FGD6: variants seen among roughly 807,000 people sequenced by gnomAD.
FGD6 encodes the protein FYVE, RhoGEF and PH domain containing 6, also known as FYVE, RhoGEF and PH domain-containing protein 6.
Under a neutral mutation model 149.4 loss-of-function variants are expected in FGD6, and 90 were observed. The observed-to-expected ratio is 0.60, with a 90% CI of 0.51 to 0.72. The LOEUF (loss-of-function observed/expected upper bound fraction) is 0.72. Ranked by LOEUF, FGD6 falls within the 30% of genes least tolerant of loss-of-function variation. The pLI is 0.00. For synonymous variants in FGD6, 527 were observed against 584.0 expected (o/e 0.90, Z 1.41); for missense variants, 1,437 against 1,684.8 (o/e 0.85, Z 2.57).
intron 2 of FGD6, among the ~76,000 whole-genome samples, chr12:95,197,297 G>A (rs538506609): frequency 1.3e-5 from 2 of 152,218 alleles, no homozygotes; most frequent in South Asian, 4.1e-4. Context: ...AATTAGCCCA[G>A]TGTGGTGGTG....
chr12:95,084,826 C>T (rs542122165), intron 19 of FGD6, among the ~76,000 whole-genome samples, 180 bp from the exon 20 acceptor site: 1 of 152,342 alleles, frequency 6.6e-6, no homozygotes, highest in Admixed American at 6.5e-5. Context: ...CACTCCCTCC[C>T]TAGGTACCCT....
chr12:95,183,329 C>T (rs932589795), intron 2 of FGD6, among the ~76,000 whole-genome samples: 1 of 152,196 alleles, frequency 6.6e-6, no homozygotes, highest in African/African-American at 2.4e-5. Flanking sequence ...AGGAGTGACC[C>T]CCACCCTCTT....
At chr12:95,189,020 G>A (rs562718696) in intron 2 of FGD6, among the ~76,000 whole-genome samples, 27 of 152,054 alleles carry the variant, frequency 1.8e-4, no homozygotes, top group Middle Eastern at 3.4e-3. Flanking sequence ...ACCACTCCCC[G>A]CTCTGAAAAT....
At chr12:95,173,618 T>C (rs1393694149) in intron 2 of FGD6, among the ~76,000 whole-genome samples, 1 of 152,184 alleles carries the variant, frequency 6.6e-6, no homozygotes, top group African/African-American at 2.4e-5. Flanking sequence ...TAAGAAGAGA[T>C]GAAAATAATT....
intron 2 of FGD6, among the ~76,000 whole-genome samples, chr12:95,203,655 C>T (rs1237036300): frequency 6.9e-6 from 1 of 144,182 alleles, no homozygotes; most frequent in African/African-American, 2.6e-5. Context: ...TTTGAAAGTA[C>T]AATGCTTGAC....
At chr12:95,112,203 C>T (rs905413083) in intron 9 of FGD6, among the ~76,000 whole-genome samples, 6 of 151,596 alleles carry the variant, frequency 4.0e-5, no homozygotes, top group Non-Finnish European at 8.8e-5. Flanking sequence ...CACTGCACTC[C>T]AGCCTGGGTG....
intron 9 of FGD6, among the ~76,000 whole-genome samples, chr12:95,113,141 T>C (rs1878887716): frequency 6.6e-6 from 1 of 151,948 alleles, no homozygotes; most frequent in Non-Finnish European, 1.5e-5. Context: ...CCCCTGCCCA[T>C]ATCATCTCAC....
chr12:95,149,993 TACAC>T (rs10652699), intron 5 of FGD6, among the ~76,000 whole-genome samples: 11,910 of 131,870 alleles, frequency 0.09, 567 homozygotes, highest in East Asian at 0.12. Context: ...TGCTATATAT[TACAC>T]ACACACACAC....
At position 95,102,443 on chromosome 12, in the gene FGD6, C is replaced by CA. The variant is rs55926317; in HGVS notation, c.3497+2563dup. On this transcript the variant is annotated intron_variant, in intron 14 of 20. Coordinates refer to ENST00000343958, the MANE Select transcript of FGD6 (RefSeq NM_018351.4). ...TGGGTGACAGAGCGAGACCCTTTCT[C>CA]AAAAAAAAAAAAAAAAAAAAAAAAC... is the stretch of plus-strand genomic sequence containing the variant. Among the ~76,000 whole-genome samples, 694 of 104,126 alleles carry CA rather than the reference C, an allele frequency of 6.7e-3. 13 individuals carry two copies. The highest frequency in any genetic ancestry group is 0.018 in the African/African-American group (477 of 27,048). 68.3% of individuals were successfully genotyped at this position (104,126 alleles called of 152,430 possible). A position where few individuals can be genotyped will look rare whatever the true frequency, so the allele number is the denominator to read the frequency against.
intron 6 of FGD6, among the ~76,000 whole-genome samples, chr12:95,139,317 G>A (rs548436125): frequency 4.1e-4 from 62 of 152,024 alleles, no homozygotes; most frequent in African/African-American, 1.4e-3. Flanking sequence ...GGGCACACCT[G>A]CAGTCCCAGC....
Position 95,087,337 on chromosome 12 carries a change from G to C in FGD6, c.3979-1429C>G, listed in dbSNP as rs150286472. 8.5e-4 allele frequency among the ~76,000 whole-genome samples: 130 copies of C among 152,272 alleles called. 1 individual carries two copies. Among genetic ancestry groups the C allele is most frequent in the African/African-American group, 2.8e-3 (115 of 41,560 alleles). On this transcript the variant is annotated intron_variant, in intron 18 of 20. Coordinates refer to ENST00000343958, the MANE Select transcript of FGD6 (RefSeq NM_018351.4). ...GGACCTACGACTTGCTTCTAACTAA[G>C]AATTTGGTGAGGGTGATAGGATGTC... is the stretch of plus-strand genomic sequence containing the variant.
rs35498911 is a variant in FGD6, at chr12:95,093,676, C to CAA, written c.3601-833_3601-832dup. On this transcript the variant is annotated intron_variant, in intron 15 of 20. Transcript: ENST00000343958. ...GGGCAATAAGAGCAAAACTCTGTCT[C>CAA]AAAAAAAAAAAAAAATACAAAAATT... 8.1e-3 allele frequency among the ~76,000 whole-genome samples: 1,106 copies of CAA among 137,270 alleles called. 38 individuals are homozygous for CAA. The East Asian group carries it at 0.14, about 18-fold the overall frequency. 90.1% of individuals were successfully genotyped at this position (137,270 alleles called of 152,430 possible).
chr12:95,157,942 G>A (rs530881165), intron 3 of FGD6, among the ~76,000 whole-genome samples: 1 of 152,230 alleles, frequency 6.6e-6, no homozygotes, highest in Admixed American at 6.5e-5. Context: ...CCACCTCCCG[G>A]GTTCAAGCGA....
chr12:95,107,108 C>T, intron 12 of FGD6, 71 bp from the exon 13 acceptor site: 2 of 1,132,628 alleles, frequency 1.8e-6, no homozygotes, highest in East Asian at 2.4e-5. Flanking sequence ...TGACAAGATA[C>T]AAGATTAAAG....
intron 3 of FGD6, among the ~76,000 whole-genome samples, chr12:95,167,163 T>C (rs550422556): frequency 2.4e-4 from 36 of 152,276 alleles, no homozygotes; most frequent in African/African-American, 8.2e-4. Flanking sequence ...CCCTTTCTAC[T>C]TTTTTGACTA....
At position 95,141,392 on chromosome 12, in the gene FGD6, G is replaced by A. The variant is rs763803661; in HGVS notation, c.2833C>T (p.His945Tyr). ...LLKELEERML[H>Y]WTEQQRIADI... ...CTGAAAACGGTCCATTTTTACCAGT[G>A]CAACATTCTTTCCTCCAGTTCCTTC... is the stretch of plus-strand genomic sequence containing the variant. The change falls in exon 6 of 21, where the codon CAC becomes TAC. Residue 945 changes from histidine to tyrosine, a missense_variant. Around this residue, in one of 2 missense-constraint regions of FGD6, gnomAD observed 1,055 missense variants for 1,146.0 expected, o/e 0.92. Coordinates refer to ENST00000343958, the MANE Select transcript of FGD6 (RefSeq NM_018351.4). The A allele has an allele frequency of 6.2e-7, 1 of 1,613,682 alleles. No individual in the cohort carries two copies. Among genetic ancestry groups the A allele is most frequent in the Non-Finnish European group, 8.5e-7 (1 of 1,179,828 alleles).
rs1052923826 is a variant in FGD6, at chr12:95,078,829, G to A, written c.*2691C>T. 1 of 152,048 alleles carries A rather than the reference G, an allele frequency of 6.6e-6. No individual in the cohort carries two copies. Among genetic ancestry groups the A allele is most frequent in the Admixed American group, 6.5e-5 (1 of 15,280 alleles). The allele number at this position is 152,048 out of a possible 1,614,324, so 9.4% of individuals were successfully genotyped here. ...TGGTTCAGCCTGGCGTCTCATCTAC[G>A]TTATGCTTAGCATCATTTTTAGCTT... On this transcript the variant is annotated 3_prime_UTR_variant, in exon 21 of 21. Transcript: ENST00000343958.
intron 2 of FGD6, among the ~76,000 whole-genome samples, chr12:95,193,146 T>G (rs746905240): frequency 8.5e-5 from 13 of 152,194 alleles, no homozygotes; most frequent in Admixed American, 2.6e-4. Flanking sequence ...ATTGCACTTT[T>G]GGGCATTTAT....
chr12:95,148,551 AT>A (rs1880090120), intron 5 of FGD6, among the ~76,000 whole-genome samples: 1 of 85,300 alleles, frequency 1.2e-5, no homozygotes, highest in Non-Finnish European at 2.4e-5. Flanking sequence ...CATATATTAT[AT>A]TATATATTAT....
Sources: gnomAD v4.1 joint callset for allele counts (sites outside exome capture counted in the v4.1 genomes callset) on GRCh38, gnomAD v4.1.1 for gene constraint, gnomAD v4.1.1 regional missense constraint, MANE v1.5 for transcripts, NCBI Gene and HGNC (gene_info 2026-07-23, HGNC 2026-07-21) for gene names.